LGSN: variants seen among roughly 807,000 people sequenced by gnomAD.
The protein encoded by LGSN is lengsin, lens protein with glutamine synthetase domain, also known as lengsin.
A neutral mutation model predicts 19.5 loss-of-function variants in LGSN; 21 were observed. The ratio of observed to expected loss-of-function variants is 1.07; its 90% confidence interval spans 0.76 to 1.55. LGSN has a LOEUF of 1.55. LGSN is among the 40% of genes most tolerant of loss of function. LGSN has a pLI of 0.00. For missense variants in LGSN, 673 were observed against 608.5 expected (o/e 1.11, Z -1.12); for synonymous variants, 257 against 215.6 (o/e 1.19, Z -1.68).
At chr6:63,344,765 C>A in the LGSN span, among the ~76,000 whole-genome samples, 1 of 151,978 alleles carries the variant, frequency 6.6e-6, no homozygotes, top group Non-Finnish European at 1.5e-5. Flanking sequence ...AAAAAAAAAC[C>A]TGTTATTAGC....
chr6:63,310,289 G>C (rs1216991492), intron 1 of LGSN, among the ~76,000 whole-genome samples: 1 of 152,024 alleles, frequency 6.6e-6, no homozygotes, highest in Non-Finnish European at 1.5e-5. Context: ...GGGGACAGAA[G>C]GGCTACAAAA....
the LGSN span, among the ~76,000 whole-genome samples, chr6:63,401,685 T>A: frequency 6.6e-6 from 1 of 152,232 alleles, no homozygotes; most frequent in Non-Finnish European, 1.5e-5. Context: ...CATGGGCGTG[T>A]AGGTGAAAAT....
chr6:63,488,596 A>G, the LGSN span, among the ~76,000 whole-genome samples: 2 of 152,164 alleles, frequency 1.3e-5, no homozygotes, highest in Non-Finnish European at 2.9e-5. Flanking sequence ...ATGAGAATAT[A>G]TGGAATTAGA....
the LGSN span, among the ~76,000 whole-genome samples, chr6:63,508,145 A>C: frequency 6.6e-6 from 1 of 152,350 alleles, no homozygotes; most frequent in East Asian, 1.9e-4. Context: ...ACTTCATATA[A>C]AAGAAAAATC....
chr6:63,570,544 G>A, the LGSN span, among the ~76,000 whole-genome samples: 6 of 152,158 alleles, frequency 3.9e-5, no homozygotes, highest in East Asian at 1.9e-4. Context: ...GTAATTACAG[G>A]ATCTGTGGAT....
chr6:63,510,667 T>A, the LGSN span, among the ~76,000 whole-genome samples: 1 of 41,500 alleles, frequency 2.4e-5, no homozygotes, highest in African/African-American at 1.0e-4. Flanking sequence ...CGAATTTTTT[T>A]TTTTTTTTTT....
intron 2 of LGSN, chr6:63,293,705 T>G (rs1457688764): frequency 4.4e-6 from 2 of 456,114 alleles, no homozygotes; most frequent in East Asian, 7.0e-5. Flanking sequence ...GAACATTGGT[T>G]GTTGTTCTGG....
At chr6:63,505,605 G>GAAATAAATAAATAAATAAATAAATAAAT in the LGSN span, among the ~76,000 whole-genome samples, 1 of 114,026 alleles carries the variant, frequency 8.8e-6, no homozygotes, top group African/African-American at 3.0e-5. Flanking sequence ...AAGAAAGAAA[G>GAAATAAATAAATAAATAAATAAATAAAT]AAAGAAAGAA....
chr6:63,473,299 C>G, the LGSN span, among the ~76,000 whole-genome samples: 1 of 151,570 alleles, frequency 6.6e-6, no homozygotes, highest in Non-Finnish European at 1.5e-5. Context: ...ATGGCAAAAC[C>G]CTGTCTCTAC....
the LGSN span, among the ~76,000 whole-genome samples, chr6:63,513,924 A>AC: frequency 2.0e-5 from 3 of 148,742 alleles, no homozygotes; most frequent in Non-Finnish European, 3.0e-5. Context: ...AAAAAAAAAA[A>AC]AAAAAAAAAA....
the LGSN span, among the ~76,000 whole-genome samples, chr6:63,562,362 G>A: frequency 6.6e-6 from 1 of 151,956 alleles, no homozygotes. Context: ...ACCACACCCA[G>A]CTAATTTTGT....
At chr6:63,486,681 T>TC in the LGSN span, among the ~76,000 whole-genome samples, 1 of 121,700 alleles carries the variant, frequency 8.2e-6, no homozygotes, top group Non-Finnish European at 1.7e-5. Context: ...TTTATTTTCT[T>TC]CTTTTTTTTT....
chr6:63,379,063 T>C, the LGSN span, among the ~76,000 whole-genome samples: 1 of 152,090 alleles, frequency 6.6e-6, no homozygotes, highest in Admixed American at 6.6e-5. Context: ...AAGCTATCCA[T>C]GGAAATGATG....
At chr6:63,411,863 T>C in the LGSN span, among the ~76,000 whole-genome samples, 4 of 151,958 alleles carry the variant, frequency 2.6e-5, no homozygotes, top group African/African-American at 9.7e-5. Flanking sequence ...GAAAAAAAAT[T>C]GTGCTAAAAT....
At chr6:63,294,192 G>A (rs190428580) in intron 2 of LGSN, among the ~76,000 whole-genome samples, 8 of 151,936 alleles carry the variant, frequency 5.3e-5, no homozygotes, top group East Asian at 1.9e-4. Flanking sequence ...AAAAATTAGC[G>A]TGGCATGGTG....
At chr6:63,518,303 C>A in the LGSN span, among the ~76,000 whole-genome samples, 2 of 152,170 alleles carry the variant, frequency 1.3e-5, no homozygotes, top group African/African-American at 2.4e-5. Context: ...AACATCAATT[C>A]TCTTGCTTGT....
At chr6:63,288,422 C>G (rs939824040) in intron 2 of LGSN, among the ~76,000 whole-genome samples, 3 of 150,188 alleles carry the variant, frequency 2.0e-5, no homozygotes, top group African/African-American at 7.3e-5. Flanking sequence ...AACATGCCAT[C>G]AAATACAAGG....
the LGSN span, among the ~76,000 whole-genome samples, chr6:63,438,494 A>C: frequency 5.9e-5 from 9 of 152,300 alleles, no homozygotes; most frequent in Admixed American, 3.9e-4. Context: ...CAATGAACTC[A>C]AACAAATTTA....
chr6:63,291,607 T>C (rs1364936384), intron 2 of LGSN, among the ~76,000 whole-genome samples: 2 of 152,136 alleles, frequency 1.3e-5, no homozygotes, highest in African/African-American at 2.4e-5. Flanking sequence ...GATAGGGACA[T>C]GGTGGGCCAG....
Sources: gnomAD v4.1 joint callset for allele counts (sites outside exome capture counted in the v4.1 genomes callset) on GRCh38, gnomAD v4.1.1 for gene constraint, MANE v1.5 for transcripts, NCBI Gene and HGNC (gene_info 2026-07-23, HGNC 2026-07-21) for gene names.